Variants in ZNF892 observed in about 807,000 individuals in gnomAD.
ZNF892 encodes the protein zinc finger protein 892.
the ZNF892 span, among the ~76,000 whole-genome samples, chr2:95,243,048 C>T: frequency 9.4e-4 from 143 of 152,316 alleles, 1 homozygote; most frequent in African/African-American, 3.0e-3. Flanking sequence ...GACGGGGTTT[C>T]GATGTGTTGG....
the ZNF892 span, chr2:95,212,397 C>G: frequency 5.0e-6 from 2 of 396,594 alleles, no homozygotes; most frequent in Non-Finnish European, 8.9e-6. Context: ...CCTGTCTCAC[C>G]CCTATGCCAC....
chr2:95,261,152 C>A, the ZNF892 span, among the ~76,000 whole-genome samples: 1 of 152,172 alleles, frequency 6.6e-6, no homozygotes, highest in African/African-American at 2.4e-5. Context: ...AAGAGGGAGG[C>A]CCTGCAGGCA....
At chr2:95,214,447 A>G in the ZNF892 span, 2 of 398,424 alleles carry the variant, frequency 5.0e-6, no homozygotes, top group Non-Finnish European at 8.8e-6. Flanking sequence ...AGTTCTAGTG[A>G]ATGTGAGGAT....
At chr2:95,260,447 A>G in the ZNF892 span, among the ~76,000 whole-genome samples, 1 of 151,984 alleles carries the variant, frequency 6.6e-6, no homozygotes, top group Non-Finnish European at 1.5e-5. Flanking sequence ...TTCTGCTGAC[A>G]CTCATAATTC....
the ZNF892 span, chr2:95,211,654 C>G: frequency 7.3e-5 from 29 of 398,632 alleles, no homozygotes; most frequent in Non-Finnish European, 1.2e-4. Flanking sequence ...GGCTCTCACC[C>G]AGTGGAGGCA....
At chr2:95,236,952 A>G in the ZNF892 span, among the ~76,000 whole-genome samples, 1 of 152,218 alleles carries the variant, frequency 6.6e-6, no homozygotes, top group African/African-American at 2.4e-5. Context: ...TTGCACTTTG[A>G]TTCTTTATTA....
At chr2:95,233,672 C>CAAAAAA in the ZNF892 span, among the ~76,000 whole-genome samples, 31 of 35,168 alleles carry the variant, frequency 8.8e-4, 5 homozygotes, top group African/African-American at 3.6e-3. Context: ...GACTCCATCT[C>CAAAAAA]AAAAAAAAAA....
At chr2:95,236,655 A>T in the ZNF892 span, among the ~76,000 whole-genome samples, 1 of 152,250 alleles carries the variant, frequency 6.6e-6, no homozygotes, top group Admixed American at 6.5e-5. Context: ...ATCTCTTTGA[A>T]GATGAAACAC....
At chr2:95,208,359 C>T in the ZNF892 span, among the ~76,000 whole-genome samples, 1 of 152,158 alleles carries the variant, frequency 6.6e-6, no homozygotes, top group South Asian at 2.1e-4. Context: ...GAGGCGTGGA[C>T]ATACAAAGAC....
At chr2:95,216,294 G>A in the ZNF892 span, among the ~76,000 whole-genome samples, 1 of 152,146 alleles carries the variant, frequency 6.6e-6, no homozygotes, top group Non-Finnish European at 1.5e-5. Flanking sequence ...TGGACTTTTT[G>A]TCTTTTAGAC....
the ZNF892 span, among the ~76,000 whole-genome samples, chr2:95,253,994 A>G: frequency 6.6e-6 from 1 of 151,986 alleles, no homozygotes; most frequent in East Asian, 1.9e-4. Context: ...AGACGATGGG[A>G]TTTTCTAGAT....
chr2:95,207,465 G>T, the ZNF892 span: 1 of 211,492 alleles, frequency 4.7e-6, no homozygotes. Flanking sequence ...CCTCTGGGAA[G>T]CGGTGTTGGG....
the ZNF892 span, among the ~76,000 whole-genome samples, chr2:95,233,394 C>T: frequency 6.6e-6 from 1 of 151,532 alleles, no homozygotes; most frequent in Admixed American, 6.6e-5. Context: ...AACATCTCGG[C>T]CGGGCGCGGT....
the ZNF892 span, among the ~76,000 whole-genome samples, chr2:95,226,843 A>G: frequency 6.6e-6 from 1 of 151,976 alleles, no homozygotes; most frequent in African/African-American, 2.4e-5. Flanking sequence ...AAGGGTCTCA[A>G]TCCACTGTGG....
At chr2:95,250,025 A>G in the ZNF892 span, among the ~76,000 whole-genome samples, 5 of 152,256 alleles carry the variant, frequency 3.3e-5, no homozygotes, top group African/African-American at 9.6e-5. Flanking sequence ...TTATGTTTGA[A>G]TTGTTTGTGA....
chr2:95,219,952 A>AT, the ZNF892 span, among the ~76,000 whole-genome samples: 1 of 152,304 alleles, frequency 6.6e-6, no homozygotes, highest in Admixed American at 6.5e-5. Context: ...GATTGACAGC[A>AT]TGCTGTGGGG....
chr2:95,206,744 T>C, the ZNF892 span, among the ~76,000 whole-genome samples: 1 of 152,248 alleles, frequency 6.6e-6, no homozygotes, highest in Non-Finnish European at 1.5e-5. Context: ...TTTGAAATGC[T>C]GAGGATCTGC....
At chr2:95,207,829 G>C in the ZNF892 span, 1 of 398,726 alleles carries the variant, frequency 2.5e-6, no homozygotes, top group Non-Finnish European at 4.4e-6. Flanking sequence ...GAACCTGAGG[G>C]CAGAGGTGAG....
At chr2:95,213,175 C>T in the ZNF892 span, among the ~76,000 whole-genome samples, 13 of 152,228 alleles carry the variant, frequency 8.5e-5, no homozygotes, top group African/African-American at 2.9e-4. Flanking sequence ...TGTTCTTCAA[C>T]TTGAACTCTT....
Sources: allele counts gnomAD v4.1 joint callset (sites outside exome capture counted in the v4.1 genomes callset), GRCh38; gene constraint gnomAD v4.1.1; transcripts MANE v1.5; gene names NCBI Gene and HGNC (gene_info 2026-07-23, HGNC 2026-07-21).